TMEM232: variants seen among roughly 807,000 people sequenced by gnomAD.
The protein encoded by TMEM232 is transmembrane protein 232.
In TMEM232, 80 loss-of-function variants were observed where a neutral mutation model predicts 78.8. The observed-to-expected ratio is 1.01, with a 90% CI of 0.85 to 1.22. The LOEUF (loss-of-function observed/expected upper bound fraction) is 1.22, where lower values mean the gene tolerates loss of function less well. Among genes scored for constraint, TMEM232 ranks in the 50% most tolerant of loss-of-function variants. The probability of loss-of-function intolerance (pLI) is 0.00; values close to 1 mark genes in which losing one functional copy is unlikely to be tolerated. For missense variants in TMEM232, 881 were observed against 742.2 expected (o/e 1.19, Z -2.17); for synonymous variants, 297 against 254.3 (o/e 1.17, Z -1.60).
intron 12 of TMEM232, among the ~76,000 whole-genome samples, chr5:110,432,657 A>C (rs769536546): frequency 1.9e-4 from 29 of 151,736 alleles, no homozygotes; most frequent in Non-Finnish European, 7.4e-5. Flanking sequence ...AAATAGCCTA[A>C]ATGCTCCACT....
intron 12 of TMEM232, among the ~76,000 whole-genome samples, chr5:110,525,316 A>G (rs184179954): frequency 4.6e-5 from 7 of 152,156 alleles, no homozygotes; most frequent in Non-Finnish European, 1.0e-4. Flanking sequence ...TTGTGAATCT[A>G]GAAAACTTAA....
intron 11 of TMEM232, among the ~76,000 whole-genome samples, chr5:110,541,728 T>C (rs1027643407): frequency 3.3e-5 from 5 of 152,266 alleles, no homozygotes; most frequent in Admixed American, 3.3e-4. Context: ...ATAATACCCC[T>C]AGAGCAAAAA....
intron 12 of TMEM232, among the ~76,000 whole-genome samples, chr5:110,447,225 T>C (rs1411983366): frequency 6.6e-6 from 1 of 151,978 alleles, no homozygotes; most frequent in East Asian, 1.9e-4. Context: ...AGAAAGTTGA[T>C]TGGTAGACAT....
At chr5:110,576,119 C>T (rs1277646752) in intron 10 of TMEM232, among the ~76,000 whole-genome samples, 2 of 152,002 alleles carry the variant, frequency 1.3e-5, no homozygotes, top group African/African-American at 4.8e-5. Flanking sequence ...TGGCATGATC[C>T]TACTTTTTGA....
chr5:110,651,620 T>A (rs1788312332), intron 2 of TMEM232, among the ~76,000 whole-genome samples: 1 of 152,140 alleles, frequency 6.6e-6, no homozygotes, highest in Admixed American at 6.6e-5. Flanking sequence ...AGGGTTAAAA[T>A]TAGAGCATGA....
Position 110,667,377 on chromosome 5 carries a change from T to C in TMEM232, c.-12-13A>G, listed in dbSNP as rs1790729787. 2 of 1,480,126 alleles carry C rather than the reference T, an allele frequency of 1.4e-6. No individual in the cohort carries two copies. Among genetic ancestry groups the C allele is most frequent in the East Asian group, 2.6e-5 (1 of 38,460 alleles). The allele number at this position is 1,480,126 out of a possible 1,614,324, so 91.7% of individuals were successfully genotyped here. ...TAAATCATAAATTCTAAAAGGAATA[T>C]TAAATGTATGTTAGCATACAAATGC... On this transcript the variant is annotated splice_polypyrimidine_tract_variant and intron_variant, in intron 1 of 13. Coordinates refer to ENST00000455884, the MANE Select transcript of TMEM232 (RefSeq NM_001039763.4).
intron 2 of TMEM232, among the ~76,000 whole-genome samples, chr5:110,407,115 G>A (rs866480323): frequency 2.0e-4 from 31 of 152,122 alleles, no homozygotes; most frequent in Non-Finnish European, 8.8e-5. Context: ...GCAATAAAAT[G>A]ATAGTAGTTA....
chr5:110,418,900 A>T (rs183576830), downstream of TMEM232, among the ~76,000 whole-genome samples: 138 of 152,286 alleles, frequency 9.1e-4, no homozygotes, highest in African/African-American at 3.3e-3. Context: ...TCCCCTTACT[A>T]AACCTTAGAG....
intron 12 of TMEM232, among the ~76,000 whole-genome samples, chr5:110,429,362 G>T (rs1416626554): frequency 6.6e-6 from 1 of 151,754 alleles, no homozygotes; most frequent in African/African-American, 2.4e-5. Flanking sequence ...TCAAGGATGA[G>T]AAATGTGCAA....
chr5:110,398,754 AT>A (rs1003438847), intron 2 of TMEM232, among the ~76,000 whole-genome samples: 4 of 151,870 alleles, frequency 2.6e-5, no homozygotes, highest in African/African-American at 9.7e-5. Context: ...TTAATACAAA[AT>A]TTTTTTTTCA....
chr5:110,440,297 C>G (rs1211272745), intron 12 of TMEM232, among the ~76,000 whole-genome samples: 1 of 152,132 alleles, frequency 6.6e-6, no homozygotes, highest in African/African-American at 2.4e-5. Context: ...CTCCCTAAGC[C>G]TGCTGTGTTG....
chr5:110,441,506 A>G (rs1759041092), intron 12 of TMEM232, among the ~76,000 whole-genome samples: 1 of 152,168 alleles, frequency 6.6e-6, no homozygotes, highest in Non-Finnish European at 1.5e-5. Context: ...CCTGCCTCCT[A>G]GAACTCATGC....
intron 1 of TMEM232, among the ~76,000 whole-genome samples, chr5:110,683,898 G>A (rs561332883): frequency 1.6e-4 from 25 of 151,916 alleles, no homozygotes; most frequent in Non-Finnish European, 3.1e-4. Flanking sequence ...ATTTAATACT[G>A]TAAAATCTAT....
At chr5:110,681,229 C>T (rs1474034627) in intron 1 of TMEM232, among the ~76,000 whole-genome samples, 1 of 151,986 alleles carries the variant, frequency 6.6e-6, no homozygotes, top group Non-Finnish European at 1.5e-5. Context: ...GAAATTTGGC[C>T]GAGGGGTGAG....
intron 12 of TMEM232, among the ~76,000 whole-genome samples, chr5:110,495,109 C>T (rs1438656087): frequency 6.6e-6 from 1 of 150,878 alleles, no homozygotes; most frequent in Non-Finnish European, 1.5e-5. Context: ...TTATGTTGCA[C>T]ATATTTTTAT....
chr5:110,701,514 A>G (rs753619537), intron 1 of TMEM232, among the ~76,000 whole-genome samples: 3 of 151,940 alleles, frequency 2.0e-5, no homozygotes, highest in Non-Finnish European at 4.4e-5. Context: ...TATTAACAAT[A>G]TTATGATTCC....
At chr5:110,587,687 A>ATTTGTG (rs1409871900) in intron 10 of TMEM232, among the ~76,000 whole-genome samples, 1 of 78,210 alleles carries the variant, frequency 1.3e-5, no homozygotes, top group Non-Finnish European at 2.2e-5. Context: ...ATATATATAT[A>ATTTGTG]TATATGTGTG....
chr5:110,565,647 C>A (rs1170023335), intron 11 of TMEM232, among the ~76,000 whole-genome samples: 3 of 151,932 alleles, frequency 2.0e-5, no homozygotes, highest in African/African-American at 4.8e-5. Context: ...TCTCTGTTCC[C>A]AAGTGTTTAG....
intron 8 of TMEM232, among the ~76,000 whole-genome samples, chr5:110,609,057 T>A (rs572485550): frequency 6.6e-6 from 1 of 152,172 alleles, no homozygotes; most frequent in South Asian, 2.1e-4. Context: ...GTTAGGAACA[T>A]CAGCATTTAA....
Sources: allele counts gnomAD v4.1 joint callset (sites outside exome capture counted in the v4.1 genomes callset), GRCh38; gene constraint gnomAD v4.1.1; transcripts MANE v1.5; gene names NCBI Gene and HGNC (gene_info 2026-07-23, HGNC 2026-07-21).